Variants in FYTTD1 observed in about 807,000 individuals in gnomAD.
FYTTD1 encodes forty-two-three domain containing 1, also known as UAP56-interacting factor.
FYTTD1 carries 22 observed loss-of-function variants against 40.9 expected under a neutral mutation model. The ratio of observed to expected loss-of-function variants is 0.54; its 90% CI spans 0.38 to 0.77. The LOEUF (loss-of-function observed/expected upper bound fraction) is 0.77. FYTTD1 is among the 30% of genes least tolerant of loss of function. FYTTD1 has a pLI of 0.00. For synonymous variants in FYTTD1, 140 were observed against 137.9 expected, an observed-to-expected ratio of 1.01 and a Z score of -0.10; for missense variants, 351 against 392.2, an observed-to-expected ratio of 0.90 and a Z score of 0.89.
intron 2 of FYTTD1, among the ~76,000 whole-genome samples, chr3:197,767,833 C>G (rs1199369280): frequency 3.9e-5 from 6 of 152,166 alleles, no homozygotes; most frequent in Non-Finnish European, 7.4e-5. Context: ...TAAAATGTGT[C>G]TATTGGCACT....
Position 197,768,616 on chromosome 3 carries a change from A to C in FYTTD1, c.384+29A>C, listed in dbSNP as rs760672493. 3.2e-6 allele frequency: 5 copies of C among 1,581,186 alleles called. No homozygotes were observed. In the African/African-American group the frequency reaches 5.4e-5, roughly 17 times the overall value. On this transcript the variant is annotated intron_variant, in intron 3 of 8. Transcript: ENST00000241502. ...GGATGATGGCTTAATCCTGGATTAG[A>C]TATCCTTTTCCTTTATTTGTACTAA...
chr3:197,750,215 C>G, intron 1 of FYTTD1, 141 bp downstream of exon 1: 8 of 836,764 alleles, frequency 9.6e-6, no homozygotes, highest in Non-Finnish European at 1.2e-5. Context: ...AGCGGAGGCC[C>G]GGAGGACAGC....
In FYTTD1 at chr3:197,787,247, A is replaced by T. The variant is rs1320645089; in HGVS notation, c.*5338A>T. The T allele has an allele frequency of 6.7e-6, 1 of 149,016 alleles. No homozygotes were observed. Among genetic ancestry groups the T allele is most frequent in the Admixed American group, 6.9e-5 (1 of 14,594 alleles). The allele number at this position is 149,016 out of a possible 1,614,324, so 9.2% of individuals were successfully genotyped here. ...TGTCTCAACCTTCCAAGTATCTGGGATTACAGGCACGTGCCACTACACCCA... is the reference window on the plus strand; with the variant it reads ...TGTCTCAACCTTCCAAGTATCTGGGTTTACAGGCACGTGCCACTACACCCA... On this transcript the variant is annotated 3_prime_UTR_variant, in exon 9 of 9. Coordinates refer to ENST00000241502, the MANE Select transcript of FYTTD1 (RefSeq NM_032288.7).
upstream of FYTTD1, chr3:197,749,797 T>G: frequency 2.1e-6 from 1 of 476,428 alleles, no homozygotes; most frequent in Non-Finnish European, 3.7e-6. Flanking sequence ...GGGGCCGCTC[T>G]GGTCGCCCGC....
At chr3:197,761,751 C>T (rs1320808010) in intron 2 of FYTTD1, among the ~76,000 whole-genome samples, 3 of 152,232 alleles carry the variant, frequency 2.0e-5, no homozygotes, top group Admixed American at 1.3e-4. Context: ...TATTTTGACT[C>T]TTACTCTCTC....
intron 1 of FYTTD1, chr3:197,750,364 G>A: frequency 8.9e-7 from 1 of 1,123,100 alleles, no homozygotes; most frequent in African/African-American, 1.6e-5. Flanking sequence ...GGGTCGCGGG[G>A]GGCGTCTCTT....
intron 2 of FYTTD1, among the ~76,000 whole-genome samples, chr3:197,766,552 C>T (rs550011071): frequency 2.6e-5 from 4 of 151,814 alleles, no homozygotes; most frequent in African/African-American, 7.2e-5. Context: ...AAATGATCCT[C>T]CTGCCTCAGC....
intron 2 of FYTTD1, among the ~76,000 whole-genome samples, chr3:197,765,532 A>G (rs1729518605): frequency 6.6e-6 from 1 of 152,130 alleles, no homozygotes; most frequent in African/African-American, 2.4e-5. Context: ...TTTAGAAGGA[A>G]ACCACACATA....
At chr3:197,756,347 G>A in intron 1 of FYTTD1, 79 bp from the exon 2 acceptor site, 1 of 969,478 alleles carries the variant, frequency 1.0e-6, no homozygotes, top group Non-Finnish European at 1.6e-6. Context: ...AGGAACGTAG[G>A]ACATCTATCA....
chr3:197,768,364 G>A, intron 2 of FYTTD1, 75 bp from the exon 3 acceptor site: 1 of 1,069,026 alleles, frequency 9.4e-7, no homozygotes, highest in Non-Finnish European at 1.3e-6. Context: ...CCCTTCCTTG[G>A]GAAATAGAAT....
At chr3:197,750,289 C>A in intron 1 of FYTTD1, 1 of 1,046,404 alleles carries the variant, frequency 9.6e-7, no homozygotes, top group Non-Finnish European at 1.2e-6. Context: ...GTCCCCTCGG[C>A]CGCGGCAGTC....
chr3:197,778,176 T>C (rs534203139), intron 7 of FYTTD1, among the ~76,000 whole-genome samples, 162 bp from the exon 8 acceptor site: 59 of 152,366 alleles, frequency 3.9e-4, no homozygotes, highest in African/African-American at 1.3e-3. Flanking sequence ...TGAACAATTA[T>C]ATATTTTAGT....
At chr3:197,771,701 C>T (rs1371436299) in intron 4 of FYTTD1, among the ~76,000 whole-genome samples, 15 of 132,366 alleles carry the variant, frequency 1.1e-4, no homozygotes, top group East Asian at 9.5e-4. Flanking sequence ...GGCGTGAACC[C>T]GGGAGGCGGA....
At chr3:197,774,268 C>A in intron 6 of FYTTD1, 58 bp downstream of exon 6, 1 of 1,345,276 alleles carries the variant, frequency 7.4e-7, no homozygotes, top group Non-Finnish European at 1.1e-6. Flanking sequence ...TACTAACTAC[C>A]CAAATTATCA....
Position 197,785,749 on chromosome 3 carries a change from C to G in FYTTD1, c.*3840C>G, listed in dbSNP as rs972953709. On this transcript the variant is annotated 3_prime_UTR_variant, in exon 9 of 9. Transcript: ENST00000241502. Reference sequence around the variant, plus strand: ...AGAGAAAAAATAGCTCACTTGGCAGCACAGAAAATGAATACCATATTGGCA... The same window carrying G: ...AGAGAAAAAATAGCTCACTTGGCAGGACAGAAAATGAATACCATATTGGCA... 4.3e-4 allele frequency: 66 copies of G among 152,044 alleles called. No individual in the cohort carries two copies. Among genetic ancestry groups the G allele is most frequent in the African/African-American group, 1.5e-3 (63 of 41,404 alleles). 9.4% of individuals were successfully genotyped at this position (152,044 alleles called of 1,614,324 possible).
intron 2 of FYTTD1, among the ~76,000 whole-genome samples, chr3:197,763,190 G>T (rs1445194375): frequency 2.0e-5 from 3 of 152,020 alleles, no homozygotes. Flanking sequence ...GAGGTGGGTG[G>T]ATCACCTGAG....
Position 197,781,913 on chromosome 3 carries a change from C to A in FYTTD1, c.*4C>A. 1 of 1,562,622 alleles carries A rather than the reference C, an allele frequency of 6.4e-7. No individual in the cohort carries two copies. Among genetic ancestry groups the A allele is most frequent in the Non-Finnish European group, 8.7e-7 (1 of 1,148,126 alleles). On this transcript the variant is annotated 3_prime_UTR_variant, in exon 9 of 9. Transcript: ENST00000241502. ...CCGCTTTGTCACCGTGGGATAGGTCCCATGTCAAAGGAACTTTTGAGTGAT... is the reference window on the plus strand; with the variant it reads ...CCGCTTTGTCACCGTGGGATAGGTCACATGTCAAAGGAACTTTTGAGTGAT...
chr3:197,773,539 G>GTTTGT (rs1729779397), intron 5 of FYTTD1, 40 bp downstream of exon 5: 2 of 1,274,070 alleles, frequency 1.6e-6, no homozygotes, highest in African/African-American at 3.0e-5. Context: ...TTGTTTGTTT[G>GTTTGT]TTTTTTCCCA....
At chr3:197,766,389 A>T (rs1364571023) in intron 2 of FYTTD1, among the ~76,000 whole-genome samples, 3 of 145,042 alleles carry the variant, frequency 2.1e-5, no homozygotes, top group Admixed American at 7.3e-5. Flanking sequence ...AAAACATGGG[A>T]TAATATTTTT....
Sources: gnomAD v4.1 joint callset for allele counts (sites outside exome capture counted in the v4.1 genomes callset) on GRCh38, gnomAD v4.1.1 for gene constraint, MANE v1.5 for transcripts, NCBI Gene and HGNC (gene_info 2026-07-23, HGNC 2026-07-21) for gene names.